The following PADI2 variants were observed in gnomAD, a reference collection of about 807,000 sequenced individuals.
PADI2 encodes peptidyl arginine deiminase 2, also known as protein-arginine deiminase type-2.
A neutral mutation model predicts 81.1 loss-of-function variants in PADI2; 70 were observed. That is an observed-to-expected ratio of 0.86 (90% CI 0.71 to 1.05). The LOEUF (loss-of-function observed/expected upper bound fraction) is 1.05. PADI2 is among the 50% of genes least tolerant of loss of function. The probability of loss-of-function intolerance (pLI) is 0.00; values close to 1 mark genes in which losing one functional copy is unlikely to be tolerated. For missense variants in PADI2, 853 were observed against 889.9 expected (o/e 0.96, Z 0.53); for synonymous variants, 338 against 358.0 (o/e 0.94, Z 0.63).
Position 17,071,433 on chromosome 1 carries a change from G to A in PADI2, c.1608C>T (p.Ser536=). 1.2e-6 allele frequency: 2 copies of A among 1,613,906 alleles called. No homozygotes were observed. Among genetic ancestry groups the A allele is most frequent in the Non-Finnish European group, 1.7e-6 (2 of 1,179,756 alleles). ...ITINKILSNE[S]LVQENLYFQR... The stretch of plus-strand genomic sequence containing the variant: ...GGAAGTACAGGTTCTCCTGCACAAG[G>A]CTCTCGTTGGACAGAATCTTGTTGA... Residue 536 remains serine (S), a synonymous_variant, in exon 14 of 16, where the codon AGC becomes AGT. Transcript: ENST00000375486.
At chr1:17,079,589 C>T (rs1247123546) in intron 10 of PADI2, among the ~76,000 whole-genome samples, 174 bp from the exon 11 acceptor site, 2 of 151,790 alleles carry the variant, frequency 1.3e-5, no homozygotes, top group East Asian at 1.9e-4. Context: ...CATGGGGAGG[C>T]TGAGTGTGTG....
At chr1:17,100,332 T>C (rs542744249) in intron 3 of PADI2, among the ~76,000 whole-genome samples, 77 of 152,368 alleles carry the variant, frequency 5.1e-4, no homozygotes, top group African/African-American at 1.6e-3. Flanking sequence ...TCGCCGAGGC[T>C]GGAGTGCAGT....
rs1569584763 is a variant in PADI2 at position 17,105,051 on chromosome 1, C to T, written c.103G>A (p.Ala35Thr). Residue 35 changes from alanine (A) to threonine (T), a missense_variant, in exon 2 of 16, where the codon GCC becomes ACC. Physicochemically the swap from Ala to Thr is moderately conservative, Grantham distance 58 (BLOSUM62 0). Transcript: ENST00000375486. ...LWTDVYSAAP[A>T]GAQTFSLKHS... ...TTCAGGCTGAAGGTTTGGGCCCCGGCTGGGGCCGCGCTGTGGGGAGAGATG... is the reference window on the plus strand; with the variant it reads ...TTCAGGCTGAAGGTTTGGGCCCCGGTTGGGGCCGCGCTGTGGGGAGAGATG... 1 of 1,578,852 alleles carries T rather than the reference C, an allele frequency of 6.3e-7. No homozygotes were observed. Among genetic ancestry groups the T allele is most frequent in the Non-Finnish European group, 8.6e-7 (1 of 1,157,384 alleles).
chr1:17,096,920 A>T (rs1028032970), intron 3 of PADI2, among the ~76,000 whole-genome samples: 1 of 152,224 alleles, frequency 6.6e-6, no homozygotes, highest in Non-Finnish European at 1.5e-5. Flanking sequence ...TGTGCATTGT[A>T]GGATGTTTAA....
chr1:17,071,216 G>T (rs1331276805), intron 14 of PADI2, among the ~76,000 whole-genome samples, 190 bp downstream of exon 14: 2 of 152,122 alleles, frequency 1.3e-5, no homozygotes, highest in African/African-American at 4.8e-5. Flanking sequence ...TTTAACCCTG[G>T]GACTTTAGCC....
chr1:17,118,432 G>A (rs1380348367), intron 1 of PADI2, among the ~76,000 whole-genome samples: 4 of 152,054 alleles, frequency 2.6e-5, no homozygotes, highest in South Asian at 4.1e-4. Flanking sequence ...CCAAGGCCCC[G>A]TCCCATTACT....
intron 6 of PADI2, among the ~76,000 whole-genome samples, chr1:17,091,579 T>C (rs1930698895): frequency 6.6e-6 from 1 of 152,052 alleles, no homozygotes; most frequent in South Asian, 2.1e-4. Flanking sequence ...TCCTCCAGGC[T>C]TTGCAGATGC....
At chr1:17,117,814 G>A (rs967188239) in intron 1 of PADI2, among the ~76,000 whole-genome samples, 2 of 152,236 alleles carry the variant, frequency 1.3e-5, no homozygotes, top group African/African-American at 2.4e-5. Flanking sequence ...CTCTGGCTCC[G>A]CGCCCACTCC....
chr1:17,092,443 G>A lies in PADI2; in HGVS notation c.620C>T (p.Ser207Leu). 2.5e-6 allele frequency: 4 copies of A among 1,607,768 alleles called. No individual in the cohort carries two copies. In the South Asian group the frequency reaches 4.4e-5, roughly 18 times the overall value. The change falls in exon 6 of 16, where the codon TCA becomes TTA. Residue 207 changes from serine to leucine, a missense_variant. Ser to Leu is a moderately radical substitution (Grantham distance 145). Coordinates refer to ENST00000375486, the MANE Select transcript of PADI2 (RefSeq NM_007365.3). ...GAACACGCCCACTTTGTCTGAGTCTGACATGGAAATGTACAGAACTATCTC... is the reference window on the plus strand; with the variant it reads ...GAACACGCCCACTTTGTCTGAGTCTAACATGGAAATGTACAGAACTATCTC... ...GYEIVLYISM[S>L]DSDKVGVFYV...
chr1:17,111,455 G>A (rs563704571), intron 1 of PADI2, among the ~76,000 whole-genome samples: 1 of 152,226 alleles, frequency 6.6e-6, no homozygotes, highest in South Asian at 2.1e-4. Context: ...TATAAAGGAG[G>A]AGAGGGTGCC....
At position 17,069,872 on chromosome 1, in the gene PADI2, T is replaced by C. The variant is rs2078252950; in HGVS notation, c.1764+216A>G. 2.0e-5 allele frequency among the ~76,000 whole-genome samples: 3 copies of C among 152,318 alleles called. No individual in the cohort carries two copies. The South Asian group carries it at 6.2e-4, about 32-fold the overall frequency. The stretch of plus-strand genomic sequence containing the variant: ...CTTTCCTATCTGTTAAGGAAAAGGG[T>C]TCCCAGTATCCCAGTGAAGCAGCTA... On this transcript the variant is annotated intron_variant, in intron 15 of 15. Coordinates refer to ENST00000375486, the MANE Select transcript of PADI2 (RefSeq NM_007365.3).
rs760240954 is a variant in PADI2 at position 17,084,704 on chromosome 1, TG to T, written c.835-3del. The T allele has an allele frequency of 1.6e-5, 25 of 1,549,394 alleles. No homozygotes were observed. The highest frequency in any genetic ancestry group is 2.1e-5 in the Non-Finnish European group (24 of 1,144,432). ...GAAGATGGGAGTCAGGGGAATGTCC[TG>T]GGTGTGGGAGACAAGGCGTGGGGGA... On this transcript the variant is annotated splice_polypyrimidine_tract_variant and splice_region_variant and intron_variant, in intron 7 of 15. Transcript: ENST00000375486.
intron 6 of PADI2, among the ~76,000 whole-genome samples, chr1:17,086,979 G>A (rs1930491412): frequency 6.6e-6 from 1 of 152,178 alleles, no homozygotes; most frequent in Admixed American, 6.5e-5. Context: ...CGGCTGATAG[G>A]AAATTGCCAG....
At position 17,079,377 on chromosome 1, in the gene PADI2, A is replaced by G; in HGVS notation, c.1197T>C (p.Phe399=). 1 of 1,614,096 alleles carries G rather than the reference A, an allele frequency of 6.2e-7. No individual in the cohort carries two copies. Among genetic ancestry groups the G allele is most frequent in the Non-Finnish European group, 8.5e-7 (1 of 1,179,970 alleles). ...ATGAGTCAAGGCTGGTGACAGACTCAAAGAGGGGCTCCCGGGTCACGTAGC... is the reference window on the plus strand; with the variant it reads ...ATGAGTCAAGGCTGGTGACAGACTCGAAGAGGGGCTCCCGGGTCACGTAGC... ...DFGYVTREPL[F]ESVTSLDSFG... Residue 399 remains phenylalanine (F), a synonymous_variant, in exon 11 of 16, where the codon TTT becomes TTC. Coordinates refer to ENST00000375486, the MANE Select transcript of PADI2 (RefSeq NM_007365.3).
At position 17,097,412 on chromosome 1, in the gene PADI2, G is replaced by A. The variant is rs112157757; in HGVS notation, c.350-1442C>T. Reference sequence around the variant, plus strand: ...CAGTCTAGAAGGAGGCTGCAAGGGCGCCTGGCCCTTGAGAGAGGCAGTCTT... The same window carrying A: ...CAGTCTAGAAGGAGGCTGCAAGGGCACCTGGCCCTTGAGAGAGGCAGTCTT... On this transcript the variant is annotated intron_variant, in intron 3 of 15. Transcript: ENST00000375486. Among the ~76,000 whole-genome samples the A allele has an allele frequency of 2.5e-3, 374 of 152,334 alleles. 2 individuals are homozygous for A. Among genetic ancestry groups the A allele is most frequent in the African/African-American group, 8.8e-3 (366 of 41,580 alleles).
chr1:17,071,778 A>G (rs942055389), intron 13 of PADI2, among the ~76,000 whole-genome samples: 1 of 152,150 alleles, frequency 6.6e-6, no homozygotes, highest in African/African-American at 2.4e-5. Flanking sequence ...CAGGGGTGCT[A>G]CAAGTAGCCC....
At chr1:17,069,310 C>T in intron 15 of PADI2, 33 bp from the exon 16 acceptor site, 1 of 1,538,980 alleles carries the variant, frequency 6.5e-7, no homozygotes, top group Non-Finnish European at 9.0e-7. Flanking sequence ...CAACAGCTTC[C>T]ATTTAGTGAG....
At chr1:17,084,873 G>A (rs1158325810) in intron 7 of PADI2, among the ~76,000 whole-genome samples, 171 bp from the exon 8 acceptor site, 2 of 152,186 alleles carry the variant, frequency 1.3e-5, no homozygotes, top group African/African-American at 2.4e-5. Flanking sequence ...TCTGCCTTCC[G>A]ACCACCGCAG....
At chr1:17,110,240 T>A (rs1931529421) in intron 1 of PADI2, among the ~76,000 whole-genome samples, 1 of 151,574 alleles carries the variant, frequency 6.6e-6, no homozygotes, top group Admixed American at 6.6e-5. Context: ...CCCAGGACAG[T>A]ATTGAGGGAA....
Sources: gnomAD v4.1 joint callset for allele counts (sites outside exome capture counted in the v4.1 genomes callset) on GRCh38, gnomAD v4.1.1 for gene constraint, MANE v1.5 for transcripts, NCBI Gene and HGNC (gene_info 2026-07-23, HGNC 2026-07-21) for gene names.